Variants in COPS3 observed in about 807,000 individuals in gnomAD.
The protein encoded by COPS3 is COP9 signalosome subunit 3, also known as COP9 signalosome complex subunit 3.
In COPS3, 10 loss-of-function variants were observed where a neutral mutation model predicts 58.2. The ratio of observed to expected loss-of-function variants is 0.17; its 90% CI spans 0.11 to 0.29. The LOEUF (loss-of-function observed/expected upper bound fraction) is 0.29. Among genes scored for constraint, COPS3 ranks in the 10% least tolerant of loss-of-function variants. The pLI is 1.00. For missense variants in COPS3, 333 were observed against 510.1 expected, an observed-to-expected ratio of 0.65 and a Z score of 3.34; for synonymous variants, 187 against 181.7, an observed-to-expected ratio of 1.03 and a Z score of -0.24.
At position 17,253,896 on chromosome 17, in the gene COPS3, CAGG is replaced by C. The variant is rs2047903601; in HGVS notation, c.1023+960_1023+962del. ...ATACCAGCTACTCGGGAGGCTGAGACAGGAGAATTGTTTGAACCCTGGAGGTGG... is the reference window on the plus strand; with the variant it reads ...ATACCAGCTACTCGGGAGGCTGAGACAGAATTGTTTGAACCCTGGAGGTGG... On this transcript the variant is annotated intron_variant, in intron 9 of 11. Transcript: ENST00000268717. Among the ~76,000 whole-genome samples, 5 of 151,990 alleles carry C rather than the reference CAGG, an allele frequency of 3.3e-5. No homozygotes were observed. In the South Asian group the frequency reaches 8.3e-4, roughly 25 times the overall value.
At chr17:17,248,058 G>A (rs1484795589) in intron 10 of COPS3, among the ~76,000 whole-genome samples, 1 of 152,140 alleles carries the variant, frequency 6.6e-6, no homozygotes, top group Non-Finnish European at 1.5e-5. Flanking sequence ...TGCCTAAAGG[G>A]GACCGTCAGG....
At chr17:17,280,354 G>A (rs2048548764) in intron 1 of COPS3, among the ~76,000 whole-genome samples, 1 of 150,936 alleles carries the variant, frequency 6.6e-6, no homozygotes, top group South Asian at 2.1e-4. Flanking sequence ...GGTGAGCCGA[G>A]ACCGCGCCAC....
At chr17:17,280,874 G>C in intron 1 of COPS3, 1 of 1,072,176 alleles carries the variant, frequency 9.3e-7, no homozygotes, top group Non-Finnish European at 1.3e-6. Context: ...CGGTGGAAGG[G>C]GCCCAGGCCG....
chr17:17,270,600 G>C (rs2048323284), intron 4 of COPS3, among the ~76,000 whole-genome samples, 158 bp downstream of exon 4: 1 of 152,014 alleles, frequency 6.6e-6, no homozygotes, highest in Middle Eastern at 3.2e-3. Flanking sequence ...TGCGGGGACT[G>C]CCTGAGCTTA....
intron 2 of COPS3, 94 bp from the exon 3 acceptor site, chr17:17,271,102 C>A (rs1466652678): frequency 1.0e-5 from 9 of 865,010 alleles, no homozygotes; most frequent in Non-Finnish European, 1.7e-5. Flanking sequence ...GCCTCCAATA[C>A]TCTGTAAAAT....
At chr17:17,280,332 G>A (rs1297879467) in intron 1 of COPS3, among the ~76,000 whole-genome samples, 2 of 152,092 alleles carry the variant, frequency 1.3e-5, no homozygotes. Flanking sequence ...GAACCTCGAA[G>A]GCGAAGGTTG....
intron 4 of COPS3, among the ~76,000 whole-genome samples, chr17:17,269,270 C>T (rs2048295066): frequency 6.6e-6 from 1 of 152,114 alleles, no homozygotes; most frequent in Non-Finnish European, 1.5e-5. Flanking sequence ...ACTAAAAATA[C>T]AAAAATTAGC....
At chr17:17,252,811 C>G (rs2047882634) in intron 9 of COPS3, among the ~76,000 whole-genome samples, 1 of 152,106 alleles carries the variant, frequency 6.6e-6, no homozygotes, top group Non-Finnish European at 1.5e-5. Context: ...GTGGGGTTAC[C>G]AAGATGCTCT....
At chr17:17,271,719 G>A (rs913018633) in intron 2 of COPS3, among the ~76,000 whole-genome samples, 2 of 150,238 alleles carry the variant, frequency 1.3e-5, no homozygotes, top group African/African-American at 4.9e-5. Flanking sequence ...CCAGCTACTC[G>A]GGAGGCTGAG....
At chr17:17,275,832 C>G (rs1481684348) in intron 2 of COPS3, among the ~76,000 whole-genome samples, 1 of 152,114 alleles carries the variant, frequency 6.6e-6, no homozygotes. Flanking sequence ...GTCCCAGCTA[C>G]TCAAGAGGCT....
chr17:17,254,832 A>AAT, intron 9 of COPS3, 27 bp downstream of exon 9: 9 of 1,304,270 alleles, frequency 6.9e-6, no homozygotes, highest in African/African-American at 3.1e-5. Context: ...AAAAAAAAAA[A>AAT]GAAAAAGAAA....
chr17:17,280,739 G>C (rs1047284758), intron 1 of COPS3: 2 of 1,246,308 alleles, frequency 1.6e-6, no homozygotes, highest in Admixed American at 3.2e-5. Flanking sequence ...GCAAGCTGCG[G>C]ATCGGCGGCA....
intron 10 of COPS3, 31 bp downstream of exon 10, chr17:17,248,894 TA>T: frequency 2.2e-6 from 3 of 1,342,932 alleles, no homozygotes; most frequent in Non-Finnish European, 2.1e-6. Context: ...AACCATCAAT[TA>T]AAAAAATAAA....
intron 7 of COPS3, among the ~76,000 whole-genome samples, chr17:17,261,007 TA>T (rs2048086653): frequency 6.6e-6 from 1 of 151,980 alleles, no homozygotes; most frequent in African/African-American, 2.4e-5. Flanking sequence ...CACTATGGAG[TA>T]ATTCATTTTC....
intron 6 of COPS3, among the ~76,000 whole-genome samples, chr17:17,264,112 C>T (rs1001536969): frequency 1.3e-5 from 2 of 152,184 alleles, no homozygotes; most frequent in African/African-American, 4.8e-5. Context: ...GATGTGTGTA[C>T]ATGTATGCAT....
intron 8 of COPS3, among the ~76,000 whole-genome samples, chr17:17,259,726 T>A (rs1279825193): frequency 6.6e-6 from 1 of 152,032 alleles, no homozygotes; most frequent in Non-Finnish European, 1.5e-5. Context: ...AAACCTTGTC[T>A]ATACAAAAAA....
rs1031433446 is a variant in COPS3, at chr17:17,280,710, G to A, written c.55+422C>T. Reference sequence around the variant, plus strand: ...CCCAGAACGGACTCGCCTCCCGCCCGCTCCCGGCGGCCTAGTCAGCAAGCT... The same window carrying A: ...CCCAGAACGGACTCGCCTCCCGCCCACTCCCGGCGGCCTAGTCAGCAAGCT... On this transcript the variant is annotated intron_variant, in intron 1 of 11. Transcript: ENST00000268717. 1.7e-5 allele frequency: 21 copies of A among 1,263,782 alleles called. No homozygotes were observed. The African/African-American group carries it at 2.6e-4, about 16-fold the overall frequency. 78.3% of individuals were successfully genotyped at this position (1,263,782 alleles called of 1,614,324 possible). A position where few individuals can be genotyped will look rare whatever the true frequency, so the allele number is the denominator to read the frequency against.
rs749498803 is a variant in COPS3, at chr17:17,280,539, T to TA, written c.55+592dup. On this transcript the variant is annotated intron_variant, in intron 1 of 11. Coordinates refer to ENST00000268717, the MANE Select transcript of COPS3 (RefSeq NM_003653.4). ...CGCGCCACTGCACTCCAGCCTCGGC[T>TA]AAAAAAAAACAAAGAAGAAGAAATG... 5.8e-4 allele frequency: 704 copies of TA among 1,223,312 alleles called. 1 individual carries two copies. The highest frequency in any genetic ancestry group is 1.4e-3 in the East Asian group (21 of 14,630). The allele number at this position is 1,223,312 out of a possible 1,614,324, so 75.8% of individuals were successfully genotyped here.
At chr17:17,274,549 C>T (rs144789448) in intron 2 of COPS3, among the ~76,000 whole-genome samples, 4,429 of 151,576 alleles carry the variant, frequency 0.029, 204 homozygotes, top group African/African-American at 0.1. Flanking sequence ...CTCAGCCTCC[C>T]GAGTAGCTGG....
Sources: allele counts gnomAD v4.1 joint callset (sites outside exome capture counted in the v4.1 genomes callset), GRCh38; gene constraint gnomAD v4.1.1; transcripts MANE v1.5; gene names NCBI Gene and HGNC (gene_info 2026-07-23, HGNC 2026-07-21).